Variants in HEMK2 observed in about 807,000 individuals in gnomAD.
The protein encoded by HEMK2 is methyltransferase HEMK2.
chr21:28,721,408 C>A, the HEMK2 span, among the ~76,000 whole-genome samples: 1 of 152,104 alleles, frequency 6.6e-6, no homozygotes, highest in African/African-American at 2.4e-5. Flanking sequence ...AGCCACCACG[C>A]CCAGCATGAA....
the HEMK2 span, among the ~76,000 whole-genome samples, chr21:28,696,288 G>T: frequency 4.6e-5 from 7 of 152,138 alleles, no homozygotes; most frequent in East Asian, 1.3e-3. Context: ...ACCACAACCG[G>T]GGTACAGGCA....
chr21:28,730,489 G>A, the HEMK2 span, among the ~76,000 whole-genome samples: 1 of 151,886 alleles, frequency 6.6e-6, no homozygotes. Context: ...CTCTCACCAG[G>A]CTATAATCAA....
chr21:28,806,771 C>T, the HEMK2 span, among the ~76,000 whole-genome samples: 4 of 152,098 alleles, frequency 2.6e-5, no homozygotes, highest in African/African-American at 9.7e-5. Flanking sequence ...AATTATGCTG[C>T]CACGCACCAA....
At chr21:28,634,620 C>A in the HEMK2 span, among the ~76,000 whole-genome samples, 1 of 152,122 alleles carries the variant, frequency 6.6e-6, no homozygotes, top group African/African-American at 2.4e-5. Context: ...ATGCACAGGG[C>A]TTATGAAAAC....
the HEMK2 span, among the ~76,000 whole-genome samples, chr21:28,827,076 T>C: frequency 1.3e-5 from 2 of 152,142 alleles, no homozygotes. Context: ...ATCCATTCAA[T>C]CTTTCATTCA....
At chr21:28,619,117 A>T in the HEMK2 span, among the ~76,000 whole-genome samples, 3 of 152,186 alleles carry the variant, frequency 2.0e-5, no homozygotes, top group African/African-American at 7.2e-5. Context: ...GAAGACGGCC[A>T]TCTACATGCC....
the HEMK2 span, among the ~76,000 whole-genome samples, chr21:28,817,705 T>C: frequency 1.3e-5 from 2 of 152,104 alleles, no homozygotes; most frequent in Non-Finnish European, 2.9e-5. Context: ...TGAAGAAAAT[T>C]TGTCTATAAA....
the HEMK2 span, among the ~76,000 whole-genome samples, chr21:28,759,811 T>C: frequency 6.6e-6 from 1 of 152,184 alleles, no homozygotes; most frequent in East Asian, 1.9e-4. Flanking sequence ...GCCTTTCGCC[T>C]TCCACCATGA....
the HEMK2 span, among the ~76,000 whole-genome samples, chr21:28,867,652 T>C: frequency 6.6e-6 from 1 of 152,234 alleles, no homozygotes; most frequent in African/African-American, 2.4e-5. Flanking sequence ...AGCAACAGCA[T>C]GTTTCATCAG....
the HEMK2 span, among the ~76,000 whole-genome samples, chr21:28,605,042 G>A: frequency 0.018 from 2,707 of 152,320 alleles, 105 homozygotes; most frequent in African/African-American, 0.063. Flanking sequence ...CATGTATCAT[G>A]TAGGATTGAT....
chr21:28,775,243 A>G, the HEMK2 span, among the ~76,000 whole-genome samples: 1 of 152,162 alleles, frequency 6.6e-6, no homozygotes, highest in Non-Finnish European at 1.5e-5. Flanking sequence ...AAAGCTCTAG[A>G]GATGATCATT....
the HEMK2 span, among the ~76,000 whole-genome samples, chr21:28,748,048 A>C: frequency 2.0e-5 from 3 of 152,228 alleles, no homozygotes; most frequent in Non-Finnish European, 2.9e-5. Flanking sequence ...CACACTTCTA[A>C]GAGGGAGCTC....
chr21:28,714,205 C>G, the HEMK2 span, among the ~76,000 whole-genome samples: 4 of 152,110 alleles, frequency 2.6e-5, no homozygotes, highest in Non-Finnish European at 1.5e-5. Flanking sequence ...TTTGTCTTAC[C>G]CAAATTCTAA....
the HEMK2 span, among the ~76,000 whole-genome samples, chr21:28,623,434 C>T: frequency 6.6e-6 from 1 of 152,176 alleles, no homozygotes; most frequent in Non-Finnish European, 1.5e-5. Flanking sequence ...GACAATTCCT[C>T]AAGGATCTAA....
At chr21:28,690,623 GC>G in the HEMK2 span, among the ~76,000 whole-genome samples, 1 of 151,978 alleles carries the variant, frequency 6.6e-6, no homozygotes, top group African/African-American at 2.4e-5. Flanking sequence ...CCACCTAGAA[GC>G]CCCCTCTATG....
At chr21:28,762,988 G>A in the HEMK2 span, among the ~76,000 whole-genome samples, 2,570 of 152,192 alleles carry the variant, frequency 0.017, 65 homozygotes, top group African/African-American at 0.059. Context: ...CAGGAAATTC[G>A]GAAACAGGAA....
At chr21:28,580,251 A>C in the HEMK2 span, among the ~76,000 whole-genome samples, 27 of 152,312 alleles carry the variant, frequency 1.8e-4, no homozygotes, top group African/African-American at 6.5e-4. Context: ...AATGAAAGAA[A>C]GAACCTAGAA....
At chr21:28,714,683 GT>G in the HEMK2 span, among the ~76,000 whole-genome samples, 1 of 152,150 alleles carries the variant, frequency 6.6e-6, no homozygotes, top group Non-Finnish European at 1.5e-5. Context: ...TGGGGTACAT[GT>G]GCAGGTTTGT....
At chr21:28,620,660 C>CTTTTTTTTTTTTTTTTTTTTTT in the HEMK2 span, among the ~76,000 whole-genome samples, 83 of 49,652 alleles carry the variant, frequency 1.7e-3, 14 homozygotes, top group Non-Finnish European at 2.1e-3. Context: ...TCTCTCTTTT[C>CTTTTTTTTTTTTTTTTTTTTTT]TTTTTTTTTT....
Sources: allele counts gnomAD v4.1 joint callset (sites outside exome capture counted in the v4.1 genomes callset), GRCh38; gene constraint gnomAD v4.1.1; transcripts MANE v1.5; gene names NCBI Gene and HGNC (gene_info 2026-07-23, HGNC 2026-07-21).